The following DAB2IP variants were observed in gnomAD, a reference collection of about 807,000 sequenced individuals.
DAB2IP encodes the protein disabled homolog 2-interacting protein.
In DAB2IP, 28 loss-of-function variants were observed where a neutral mutation model predicts 107.2. That is an observed-to-expected ratio of 0.26 (90% CI 0.19 to 0.36). The LOEUF is 0.36. DAB2IP is among the 10% of genes least tolerant of loss of function. The pLI, the probability that DAB2IP is intolerant of heterozygous loss-of-function variation, is 1.00. For synonymous variants in DAB2IP, 755 were observed against 706.4 expected (o/e 1.07, Z -1.09); for missense variants, 1,400 against 1,644.7 (o/e 0.85, Z 2.57).
At chr9:121,743,052 G>A (rs1052875044) in intron 3 of DAB2IP, 1 of 949,714 alleles carries the variant, frequency 1.1e-6, no homozygotes. Context: ...CAGGTGGGAG[G>A]AATACTCTGG....
At chr9:121,739,532 C>T (rs1337201398) in intron 3 of DAB2IP, among the ~76,000 whole-genome samples, 4 of 152,186 alleles carry the variant, frequency 2.6e-5, no homozygotes, top group Non-Finnish European at 5.9e-5. Context: ...GCCCGGACAG[C>T]AGGCTGCCTG....
intron 1 of DAB2IP, among the ~76,000 whole-genome samples, chr9:121,658,429 G>A (rs1306489124): frequency 1.3e-5 from 2 of 152,194 alleles, no homozygotes; most frequent in Non-Finnish European, 2.9e-5. Context: ...CAGGGAGGAG[G>A]GGTTTGAGAA....
At chr9:121,729,600 T>A (rs1831410406) in intron 3 of DAB2IP, among the ~76,000 whole-genome samples, 1 of 152,140 alleles carries the variant, frequency 6.6e-6, no homozygotes, top group South Asian at 2.1e-4. Flanking sequence ...ATCAAAGAAA[T>A]TATAAGTAAA....
chr9:121,673,124 T>C (rs1431494008), intron 1 of DAB2IP, among the ~76,000 whole-genome samples: 3 of 152,122 alleles, frequency 2.0e-5, no homozygotes, highest in Non-Finnish European at 2.9e-5. Context: ...CCCTGACTCA[T>C]TGGATTGATG....
intron 10 of DAB2IP, among the ~76,000 whole-genome samples, chr9:121,770,251 T>G (rs1020819605): frequency 2.0e-5 from 3 of 152,208 alleles, no homozygotes; most frequent in African/African-American, 4.8e-5. Flanking sequence ...TGCTTTCCTC[T>G]CTGCGGAGGC....
At chr9:121,745,083 C>A (rs1832632117) in intron 3 of DAB2IP, among the ~76,000 whole-genome samples, 1 of 152,102 alleles carries the variant, frequency 6.6e-6, no homozygotes, top group Non-Finnish European at 1.5e-5. Flanking sequence ...CTGGAGTCAG[C>A]CAGTGTGGAA....
chr9:121,644,558 T>C (rs1007972724), intron 1 of DAB2IP, among the ~76,000 whole-genome samples: 6 of 151,244 alleles, frequency 4.0e-5, no homozygotes, highest in Non-Finnish European at 5.9e-5. Context: ...GATCGAGCCA[T>C]TGCACTTCAG....
At chr9:121,703,818 TAAG>T (rs1319827669) in intron 3 of DAB2IP, among the ~76,000 whole-genome samples, 1 of 152,176 alleles carries the variant, frequency 6.6e-6, no homozygotes, top group Admixed American at 6.5e-5. Context: ...GTGGGAATAA[TAAG>T]CAATCATGTG....
chr9:121,750,382 A>T (rs1456441898), intron 3 of DAB2IP, among the ~76,000 whole-genome samples: 2 of 152,080 alleles, frequency 1.3e-5, no homozygotes, highest in African/African-American at 4.8e-5. Context: ...GCCTTTGTGT[A>T]CTGCCCAGCC....
At chr9:121,747,325 A>G (rs1296244695) in intron 3 of DAB2IP, among the ~76,000 whole-genome samples, 3 of 149,084 alleles carry the variant, frequency 2.0e-5, no homozygotes, top group Non-Finnish European at 4.4e-5. Context: ...ACCCTCGTCA[A>G]TGAGTGTTCC....
At chr9:121,622,340 T>C (rs2118997349) in intron 1 of DAB2IP, among the ~76,000 whole-genome samples, 1 of 152,302 alleles carries the variant, frequency 6.6e-6, no homozygotes, top group Middle Eastern at 3.4e-3. Flanking sequence ...GCAATACTTT[T>C]TGCAGTCTGG....
In DAB2IP at chr9:121,782,435, C is replaced by A. The variant is rs772458476; in HGVS notation, c.3507C>A (p.Pro1169=). ...TGCAAGCCCGTAACGGCATCTCCCC[C>A]ACCAACCCCACCAAATTGCAGATTA... Residue 1169 remains proline (P), a synonymous_variant, in exon 16 of 16, where the codon CCC becomes CCA. Transcript: ENST00000408936. The surrounding 1 kb of genome is among the most constrained non-coding windows in gnomAD (Gnocchi z 6.1). 2 of 1,614,106 alleles carry A rather than the reference C, an allele frequency of 1.2e-6. No homozygotes were observed. Among genetic ancestry groups the A allele is most frequent in the East Asian group, 2.2e-5 (1 of 44,878 alleles).
Position 121,768,481 on chromosome 9 carries a change from C to T in DAB2IP, c.1747C>T (p.His583Tyr), listed in dbSNP as rs759194659. 1 of 1,614,196 alleles carries T rather than the reference C, an allele frequency of 6.2e-7. No individual in the cohort carries two copies. Among genetic ancestry groups the T allele is most frequent in the Admixed American group, 1.7e-5 (1 of 60,032 alleles). The change falls in exon 10 of 16, where the codon CAT (histidine) becomes TAT (tyrosine). Residue 583 changes from histidine to tyrosine, a missense_variant. Transcript: ENST00000408936. Reference sequence around the variant, plus strand: ...GTCCTTCATGAACCAGTTCCTAGAGCATGAGTGGACCAACATGCAGCGCTT... The same window carrying T: ...GTCCTTCATGAACCAGTTCCTAGAGTATGAGTGGACCAACATGCAGCGCTT...
chr9:121,776,468 C>CG lies in DAB2IP; in HGVS notation c.3314+81dup. ...CGCTGCCTTCGAGGAGGCCCCTGGT[C>CG]GGGGAGCCTCCTCAAAGGATAAGCT... On this transcript the variant is annotated intron_variant, in intron 14 of 15. Transcript: ENST00000408936. The surrounding 1 kb of genome is among the most constrained non-coding windows in gnomAD (Gnocchi z 5.4). The CG allele has an allele frequency of 7.1e-7, 1 of 1,406,530 alleles. No individual in the cohort carries two copies. The highest frequency in any genetic ancestry group is 9.4e-7 in the Non-Finnish European group (1 of 1,060,426). 87.1% of individuals were successfully genotyped at this position (1,406,530 alleles called of 1,614,324 possible). A position where few individuals can be genotyped will look rare whatever the true frequency, so the allele number is the denominator to read the frequency against.
rs185689968 is a variant in DAB2IP at position 121,782,170 on chromosome 9, G to T, written c.3403-161G>T. Among the ~76,000 whole-genome samples the T allele has an allele frequency of 6.6e-6, 1 of 152,264 alleles. No homozygotes were observed. Among genetic ancestry groups the T allele is most frequent in the Non-Finnish European group, 1.5e-5 (1 of 67,996 alleles). On this transcript the variant is annotated intron_variant, in intron 15 of 15. Coordinates refer to ENST00000408936, the Ensembl canonical transcript of DAB2IP. The surrounding 1 kb of genome is among the most constrained non-coding windows in gnomAD (Gnocchi z 6.1). ...GCAGCGAGGCTGTGTCCATGATGCT[G>T]CAGAGGCCTCTGCCTACCTTCTCTT... is the stretch of plus-strand genomic sequence containing the variant.
chr9:121,777,215 A>AC (rs1835266782), intron 14 of DAB2IP, among the ~76,000 whole-genome samples: 1 of 152,008 alleles, frequency 6.6e-6, no homozygotes, highest in South Asian at 2.1e-4. Flanking sequence ...CTGGTCTAAG[A>AC]CCCCATCAGC....
chr9:121,671,012 A>T (rs149091060), intron 1 of DAB2IP, among the ~76,000 whole-genome samples: 6 of 152,148 alleles, frequency 3.9e-5, no homozygotes, highest in African/African-American at 1.2e-4. Context: ...TTAGCTGAGC[A>T]TGGTGGCACA....
chr9:121,678,778 C>G (rs989477334), exon 2 of DAB2IP: 1 of 1,587,676 alleles, frequency 6.3e-7, no homozygotes, highest in Non-Finnish European at 8.6e-7. Flanking sequence ...CGTTCCGGGT[C>G]ACGGTAACTA....
intron 1 of DAB2IP, among the ~76,000 whole-genome samples, chr9:121,671,866 A>G (rs1833698589): frequency 6.6e-6 from 1 of 152,168 alleles, no homozygotes; most frequent in East Asian, 1.9e-4. Context: ...TTTTGCTGCT[A>G]CAAAGAGTGC....
Sources: allele counts gnomAD v4.1 joint callset (sites outside exome capture counted in the v4.1 genomes callset), GRCh38; gene constraint gnomAD v4.1.1; non-coding constraint Gnocchi (gnomAD v3.1); transcripts MANE v1.5; gene names NCBI Gene and HGNC (gene_info 2026-07-23, HGNC 2026-07-21).